Variants in MAP2K3 observed in about 807,000 individuals in gnomAD.
MAP2K3 encodes dual specificity mitogen-activated protein kinase kinase 3.
In MAP2K3, 30 loss-of-function variants were observed where a neutral mutation model predicts 46.4. The ratio of observed to expected loss-of-function variants is 0.65; its 90% CI spans 0.48 to 0.88. The LOEUF is 0.88. MAP2K3 is among the 40% of genes least tolerant of loss of function. The probability of loss-of-function intolerance (pLI) is 0.00; values close to 1 mark genes in which losing one functional copy is unlikely to be tolerated. For missense variants in MAP2K3, 380 were observed against 464.5 expected (o/e 0.82, Z 1.67); for synonymous variants, 189 against 176.3 (o/e 1.07, Z -0.57).
intron 1 of MAP2K3, among the ~76,000 whole-genome samples, chr17:21,296,396 G>A (rs1178769057): frequency 1.3e-5 from 2 of 152,312 alleles, no homozygotes; most frequent in Non-Finnish European, 1.5e-5. Flanking sequence ...TGCTGGCCCT[G>A]TGTGCCATGG....
intron 1 of MAP2K3, among the ~76,000 whole-genome samples, chr17:21,294,320 C>G (rs1976118062): frequency 6.6e-6 from 1 of 152,312 alleles, no homozygotes; most frequent in African/African-American, 2.4e-5. Context: ...GGGCAGTGAA[C>G]TAGGAGCAGG....
At chr17:21,295,502 A>C in intron 1 of MAP2K3, 1 of 923,586 alleles carries the variant, frequency 1.1e-6, no homozygotes, top group Non-Finnish European at 1.3e-6. Flanking sequence ...CAACGGCTGC[A>C]CCTGGGCAGC....
At chr17:21,288,229 C>T in intron 1 of MAP2K3, 1 of 579,512 alleles carries the variant, frequency 1.7e-6, no homozygotes, top group Non-Finnish European at 2.7e-6. Context: ...TAGCCCTGAG[C>T]TGGGGCACTG....
intron 1 of MAP2K3, among the ~76,000 whole-genome samples, chr17:21,286,869 CTG>C (rs942988864): frequency 3.3e-5 from 5 of 152,124 alleles, no homozygotes; most frequent in Admixed American, 3.3e-4. Flanking sequence ...CCCAGGGACT[CTG>C]TAGTCTCTTT....
At chr17:21,291,566 ATGC>A (rs1266840346) in intron 1 of MAP2K3, 7 of 456,438 alleles carry the variant, frequency 1.5e-5, no homozygotes, top group Admixed American at 1.4e-4. Context: ...CATTCTTCTG[ATGC>A]TCTGGGAGGG....
At chr17:21,297,052 C>T (rs1357899448) in intron 1 of MAP2K3, among the ~76,000 whole-genome samples, 1 of 152,310 alleles carries the variant, frequency 6.6e-6, no homozygotes, top group Admixed American at 6.5e-5. Flanking sequence ...CCACCTGCCC[C>T]AGGATGGACC....
At chr17:21,295,414 G>A (rs939182073) in intron 1 of MAP2K3, among the ~76,000 whole-genome samples, 2 of 152,312 alleles carry the variant, frequency 1.3e-5, no homozygotes, top group South Asian at 2.1e-4. Flanking sequence ...ACCCCGTGCT[G>A]AGAGCCGGGA....
At chr17:21,313,749 C>G (rs1357394403) in intron 11 of MAP2K3, 3 of 607,328 alleles carry the variant, frequency 4.9e-6, no homozygotes, top group Non-Finnish European at 8.9e-6. Context: ...GAAGGGTACA[C>G]AGGCAGTGTG....
At chr17:21,298,782 C>T (rs1469549011) in intron 2 of MAP2K3, 96 bp from the exon 3 acceptor site, 22 of 1,578,516 alleles carry the variant, frequency 1.4e-5, no homozygotes, top group Admixed American at 8.4e-5. Flanking sequence ...GGAGGCACCT[C>T]GTCCCCACGC....
chr17:21,307,223 C>T (rs35137771), intron 9 of MAP2K3, among the ~76,000 whole-genome samples: 14,291 of 127,136 alleles, frequency 0.11, no homozygotes, highest in African/African-American at 0.22. Context: ...AGGGGCCTTA[C>T]CCTGAGTCAC....
At chr17:21,298,823 A>G (rs1417126729) in intron 2 of MAP2K3, 55 bp from the exon 3 acceptor site, 6 of 1,613,662 alleles carry the variant, frequency 3.7e-6, no homozygotes, top group Non-Finnish European at 5.1e-6. Flanking sequence ...CTACTGCTGC[A>G]CTTGGGGAAG....
intron 1 of MAP2K3, chr17:21,287,941 A>T: frequency 1.0e-6 from 1 of 971,428 alleles, no homozygotes; most frequent in Non-Finnish European, 1.4e-6. Context: ...TGTCGGAAAG[A>T]CTGGAGGTGG....
At chr17:21,302,295 G>C in intron 6 of MAP2K3, 36 bp downstream of exon 6, 11 of 1,537,082 alleles carry the variant, frequency 7.2e-6, no homozygotes, top group Non-Finnish European at 9.9e-6. Context: ...GGGGTCCTAG[G>C]TGCATAGGCA....
At position 21,314,349 on chromosome 17, in the gene MAP2K3, G is replaced by A. The variant is rs968551234; in HGVS notation, c.*119G>A. On this transcript the variant is annotated 3_prime_UTR_variant, in exon 12 of 12. Coordinates refer to ENST00000342679, the MANE Select transcript of MAP2K3 (RefSeq NM_145109.3). ...TGGCCCAGGGCATCTGGGAGGAACCGAGGGGGCTGCTCCCACCTGGCTCTG... is the reference window on the plus strand; with the variant it reads ...TGGCCCAGGGCATCTGGGAGGAACCAAGGGGGCTGCTCCCACCTGGCTCTG... 7.6e-6 allele frequency: 7 copies of A among 918,246 alleles called. No homozygotes were observed. Among genetic ancestry groups the A allele is most frequent in the African/African-American group, 3.3e-5 (2 of 61,506 alleles). The allele number at this position is 918,246 out of a possible 1,614,324, so 56.9% of individuals were successfully genotyped here.
chr17:21,295,998 T>C (rs1459057684), intron 1 of MAP2K3: 4 of 1,271,300 alleles, frequency 3.1e-6, no homozygotes, highest in Non-Finnish European at 4.1e-6. Flanking sequence ...AAATATTTTA[T>C]ATTCTGGTTA....
intron 1 of MAP2K3, chr17:21,291,341 T>TACAACACAACACAACACAAC (rs1439467768): frequency 0.014 from 1,298 of 93,478 alleles, 16 homozygotes; most frequent in African/African-American, 0.084. Flanking sequence ...TACAGTACAA[T>TACAACACAACACAACACAAC]ACAATACAAC....
chr17:21,286,944 CCTT>C lies in MAP2K3; in HGVS notation c.49+1979_49+1981del, dbSNP rs1380366192. On this transcript the variant is annotated intron_variant, in intron 1 of 11. Transcript: ENST00000342679. ...CCCTTCACCAAAAACCCTATGAGCTCCTTCTTTTTTTCCATGTGCCATGCATTT... is the reference window on the plus strand; with the variant it reads ...CCCTTCACCAAAAACCCTATGAGCTCCTTTTTTTCCATGTGCCATGCATTT... 2.0e-5 allele frequency among the ~76,000 whole-genome samples: 3 copies of C among 152,318 alleles called. No individual in the cohort carries two copies. In the East Asian group the frequency reaches 5.8e-4, roughly 29 times the overall value.
intron 1 of MAP2K3, chr17:21,296,279 C>A: frequency 1.9e-6 from 2 of 1,028,904 alleles, no homozygotes; most frequent in Middle Eastern, 3.8e-4. Flanking sequence ...GGGCACCATG[C>A]CAGGGTCGCA....
chr17:21,299,063 G>A, intron 3 of MAP2K3, 137 bp downstream of exon 3: 2 of 1,281,118 alleles, frequency 1.6e-6, no homozygotes, highest in Admixed American at 1.9e-5. Flanking sequence ...GCCTCGTCCT[G>A]CGCTGCTGGC....
Sources: gnomAD v4.1 joint callset for allele counts (sites outside exome capture counted in the v4.1 genomes callset) on GRCh38, gnomAD v4.1.1 for gene constraint, MANE v1.5 for transcripts, NCBI Gene and HGNC (gene_info 2026-07-23, HGNC 2026-07-21) for gene names.